TMEM150B: variants seen among roughly 807,000 people sequenced by gnomAD.
The protein encoded by TMEM150B is transmembrane protein 150B.
Under a neutral mutation model 25.2 loss-of-function variants are expected in TMEM150B, and 33 were observed. The ratio of observed to expected loss-of-function variants is 1.31; its 90% confidence interval spans 0.99 to 1.75. The LOEUF (loss-of-function observed/expected upper bound fraction) is 1.75. Ranked by LOEUF, TMEM150B falls within the 40% of genes most tolerant of loss-of-function variation. The pLI, the probability that TMEM150B is intolerant of heterozygous loss-of-function variation, is 0.00. For synonymous variants in TMEM150B, 133 were observed against 134.8 expected (o/e 0.99, Z 0.09); for missense variants, 322 against 306.1 (o/e 1.05, Z -0.39).
chr19:55,313,157 C>A, intron 7 of TMEM150B, 102 bp from the exon 8 acceptor site: 1 of 1,211,004 alleles, frequency 8.3e-7, no homozygotes, highest in Non-Finnish European at 1.1e-6. Flanking sequence ...CTGGGTGTCC[C>A]CATCCTCAGC....
intron 6 of TMEM150B, among the ~76,000 whole-genome samples, chr19:55,318,237 T>C (rs1370303449): frequency 6.6e-6 from 1 of 152,056 alleles, no homozygotes; most frequent in Non-Finnish European, 1.5e-5. Context: ...GGTGAGCGCC[T>C]GTAATCCCAG....
At chr19:55,312,617 G>C (rs1046608693), downstream of TMEM150B, 21 of 388,264 alleles carry the variant, frequency 5.4e-5, no homozygotes, top group Admixed American at 8.7e-5. Flanking sequence ...TTGGCCTCTC[G>C]ATTCCTGGGT....
chr19:55,316,579 C>A (rs1461790342), intron 7 of TMEM150B, among the ~76,000 whole-genome samples: 3 of 151,962 alleles, frequency 2.0e-5, no homozygotes, highest in South Asian at 4.2e-4. Flanking sequence ...GCGGAAGTTT[C>A]CCCCAGCTGC....
downstream of TMEM150B, chr19:55,312,414 T>G: frequency 5.4e-6 from 1 of 185,074 alleles, no homozygotes; most frequent in Non-Finnish European, 1.1e-5. Context: ...AACCCCCTCT[T>G]CCCGGGCCCC....
chr19:55,312,019 C>T (rs759936463), downstream of TMEM150B: 13 of 1,510,888 alleles, frequency 8.6e-6, no homozygotes, highest in Non-Finnish European at 8.9e-6. Context: ...CGCCGAGGCC[C>T]CCCCAAGGAC....
intron 2 of TMEM150B, 46 bp from the exon 3 acceptor site, chr19:55,321,139 G>GC: frequency 6.7e-7 from 1 of 1,486,682 alleles, no homozygotes; most frequent in Non-Finnish European, 8.9e-7. Context: ...TGAGATTGTG[G>GC]CCCCAACCAC....
At chr19:55,323,996 C>CA (rs2089272714) in intron 1 of TMEM150B, among the ~76,000 whole-genome samples, 1 of 141,438 alleles carries the variant, frequency 7.1e-6, no homozygotes, top group Non-Finnish European at 1.5e-5. Flanking sequence ...TTGATAAAGA[C>CA]AGAGTTTCAC....
chr19:55,312,942 C>T lies in TMEM150B; in HGVS notation c.619G>A (p.Glu207Lys). 2 of 1,612,890 alleles carry T rather than the reference C, an allele frequency of 1.2e-6. No individual in the cohort carries two copies. Among genetic ancestry groups the T allele is most frequent in the Non-Finnish European group, 1.7e-6 (2 of 1,179,640 alleles). ...GLLAVDFSAL[E>K]SCTLCVQPWP... Reference sequence around the variant, plus strand: ...GGCTGAACACACAGGGTGCAGCTCTCCAGGGCGGAGAAGTCAACGGCTAAG... The same window carrying T: ...GGCTGAACACACAGGGTGCAGCTCTTCAGGGCGGAGAAGTCAACGGCTAAG... Residue 207 changes from glutamate (E) to lysine (K), a missense_variant, in exon 8 of 8, where the codon GAG becomes AAG. Glu to Lys is a moderately conservative substitution (Grantham distance 56). Coordinates refer to ENST00000326652, the MANE Select transcript of TMEM150B (RefSeq NM_001282011.2).
chr19:55,312,189 T>A, downstream of TMEM150B: 1 of 528,038 alleles, frequency 1.9e-6, no homozygotes, highest in South Asian at 2.9e-5. Context: ...AAAACCGGCC[T>A]TGCCCTGCAG....
At chr19:55,319,867 G>T in intron 6 of TMEM150B, 172 bp downstream of exon 6, 1 of 1,436,306 alleles carries the variant, frequency 7.0e-7, no homozygotes, top group Non-Finnish European at 9.1e-7. Context: ...CCCACTCAGA[G>T]AGCAAAGGAA....
chr19:55,312,351 G>C (rs2123021088), downstream of TMEM150B: 1 of 202,322 alleles, frequency 4.9e-6, no homozygotes, highest in Middle Eastern at 1.7e-3. Context: ...ACGGGAGCTG[G>C]TTGGGGTGGC....
intron 7 of TMEM150B, among the ~76,000 whole-genome samples, chr19:55,316,179 G>A (rs2088990196): frequency 6.6e-6 from 1 of 152,142 alleles, no homozygotes; most frequent in Admixed American, 6.5e-5. Context: ...ATACTCCCAT[G>A]ATGGCTATTT....
At chr19:55,312,697 C>T (rs1401309793), downstream of TMEM150B, 4 of 816,716 alleles carry the variant, frequency 4.9e-6, no homozygotes, top group East Asian at 8.3e-5. Flanking sequence ...TTCAGAGGCC[C>T]TCCGCGCCGG....
chr19:55,320,003 G>A (rs762528785), intron 6 of TMEM150B, 36 bp downstream of exon 6: 3 of 1,613,324 alleles, frequency 1.9e-6, no homozygotes, highest in Non-Finnish European at 2.5e-6. Context: ...TCCAGACGCC[G>A]GCCGGGACAG....
chr19:55,316,460 T>A (rs1318574088), intron 7 of TMEM150B, among the ~76,000 whole-genome samples: 1 of 152,034 alleles, frequency 6.6e-6, no homozygotes, highest in African/African-American at 2.4e-5. Context: ...GGCACAGATC[T>A]AAGCACCGTA....
chr19:55,319,205 G>A (rs534120037), intron 6 of TMEM150B, among the ~76,000 whole-genome samples: 20 of 151,272 alleles, frequency 1.3e-4, no homozygotes, highest in East Asian at 1.2e-3. Context: ...TCTGCCTCCC[G>A]GGTTCAAGCA....
At chr19:55,321,414 G>A (rs1037493283) in intron 2 of TMEM150B, among the ~76,000 whole-genome samples, 4 of 151,984 alleles carry the variant, frequency 2.6e-5, no homozygotes, top group African/African-American at 9.7e-5. Context: ...ACTGGGGCTG[G>A]GTGAGCTTAG....
intron 7 of TMEM150B, among the ~76,000 whole-genome samples, chr19:55,315,404 G>T (rs933352835): frequency 1.3e-5 from 2 of 151,684 alleles, no homozygotes; most frequent in African/African-American, 4.8e-5. Flanking sequence ...GGCCAAGGCA[G>T]GTGGATCATG....
chr19:55,320,645 G>A (rs753149348), intron 3 of TMEM150B, 28 bp from the exon 4 acceptor site: 6 of 1,599,762 alleles, frequency 3.8e-6, no homozygotes, highest in East Asian at 4.5e-5. Flanking sequence ...GTGAGTGGGC[G>A]ACTCTCACCA....
Sources: gnomAD v4.1 joint callset for allele counts (sites outside exome capture counted in the v4.1 genomes callset) on GRCh38, gnomAD v4.1.1 for gene constraint, MANE v1.5 for transcripts, NCBI Gene and HGNC (gene_info 2026-07-23, HGNC 2026-07-21) for gene names.